Variants in PCDH15 observed in about 807,000 individuals in gnomAD.
PCDH15 encodes protocadherin-15.
In PCDH15, 129 loss-of-function variants were observed where a neutral mutation model predicts 178.5. The ratio of observed to expected loss-of-function variants is 0.72; its 90% CI spans 0.63 to 0.84. PCDH15 has a LOEUF of 0.84. PCDH15 is among the 40% of genes least tolerant of loss of function. The pLI, the probability that PCDH15 is intolerant of heterozygous loss-of-function variation, is 0.00. For missense variants in PCDH15, 2,230 were observed against 2,099.9 expected, an observed-to-expected ratio of 1.06 and a Z score of -1.21; for synonymous variants, 800 against 732.0, an observed-to-expected ratio of 1.09 and a Z score of -1.50.
chr10:54,048,023 C>A (rs953165346), intron 18 of PCDH15, among the ~76,000 whole-genome samples: 1 of 152,094 alleles, frequency 6.6e-6, no homozygotes, highest in African/African-American at 2.4e-5. Context: ...ACATTTCCAC[C>A]AACAGTGTAT....
intron 2 of PCDH15, among the ~76,000 whole-genome samples, chr10:55,367,264 A>G (rs1588958954): frequency 6.6e-6 from 1 of 152,272 alleles, no homozygotes; most frequent in East Asian, 1.9e-4. Context: ...GCATTAAAGA[A>G]TTGATGATAA....
In PCDH15 at chr10:55,374,171, C is replaced by A. The variant is rs529689613; in HGVS notation, c.-155-207520G>T. Reference sequence around the variant, plus strand: ...ATTCTTCCTTACTAAGAGATACAGTCTGTGCTGGACTTGCTTTGTGTCATA... The same window carrying A: ...ATTCTTCCTTACTAAGAGATACAGTATGTGCTGGACTTGCTTTGTGTCATA... On this transcript the variant is annotated intron_variant, in intron 2 of 5. Coordinates refer to the PCDH15 transcript ENST00000613346. 2.0e-5 allele frequency among the ~76,000 whole-genome samples: 3 copies of A among 151,906 alleles called. No individual in the cohort carries two copies. The South Asian group carries it at 6.3e-4, about 32-fold the overall frequency.
intron 3 of PCDH15, among the ~76,000 whole-genome samples, chr10:54,385,451 G>A (rs1156980682): frequency 1.3e-5 from 2 of 152,158 alleles, no homozygotes; most frequent in Admixed American, 6.5e-5. Flanking sequence ...ATAACCATAC[G>A]TGCTCAAGCA....
intron 2 of PCDH15, among the ~76,000 whole-genome samples, chr10:55,514,997 T>G (rs1403885913): frequency 6.7e-6 from 1 of 148,604 alleles, no homozygotes; most frequent in Non-Finnish European, 1.5e-5. Flanking sequence ...ATTTTTTTTT[T>G]TTTTTTTTTT....
At chr10:54,656,440 T>C (rs1302392098) in intron 2 of PCDH15, among the ~76,000 whole-genome samples, 1 of 152,162 alleles carries the variant, frequency 6.6e-6, no homozygotes, top group Non-Finnish European at 1.5e-5. Flanking sequence ...TGGGCAATGA[T>C]GTCCGTGGCA....
intron 2 of PCDH15, among the ~76,000 whole-genome samples, chr10:54,964,153 T>A (rs1838723655): frequency 1.3e-5 from 2 of 152,164 alleles, no homozygotes; most frequent in Admixed American, 1.3e-4. Context: ...GCCCTGACGG[T>A]TGGTTTCCTA....
chr10:54,122,828 A>T (rs575319033), intron 15 of PCDH15, among the ~76,000 whole-genome samples: 2 of 151,888 alleles, frequency 1.3e-5, no homozygotes, highest in Non-Finnish European at 2.9e-5. Context: ...CATAAATCTA[A>T]CCAAGGAGGT....
At chr10:55,000,737 G>A (rs1367852137) in intron 2 of PCDH15, among the ~76,000 whole-genome samples, 1 of 152,164 alleles carries the variant, frequency 6.6e-6, no homozygotes, top group African/African-American at 2.4e-5. Flanking sequence ...AAATGTCCAT[G>A]AAATCTTCAC....
chr10:54,715,369 T>C (rs1265959336), intron 1 of PCDH15, among the ~76,000 whole-genome samples: 1 of 151,014 alleles, frequency 6.6e-6, no homozygotes, highest in East Asian at 2.0e-4. Flanking sequence ...GCCCATGCAC[T>C]TGTTGCAGAA....
chr10:54,679,678 G>A (rs1244428357), intron 1 of PCDH15, among the ~76,000 whole-genome samples: 1 of 152,118 alleles, frequency 6.6e-6, no homozygotes, highest in Non-Finnish European at 1.5e-5. Flanking sequence ...TCTGGAAATA[G>A]TTATTTGTTT....
At chr10:54,710,831 C>T (rs2095421505) in intron 1 of PCDH15, among the ~76,000 whole-genome samples, 3 of 151,992 alleles carry the variant, frequency 2.0e-5, no homozygotes, top group Admixed American at 1.3e-4. Context: ...GGGTCTACCA[C>T]CTAATTATTT....
chr10:54,592,327 C>T (rs1251846306), intron 2 of PCDH15, among the ~76,000 whole-genome samples: 1 of 151,802 alleles, frequency 6.6e-6, no homozygotes, highest in Admixed American at 6.6e-5. Flanking sequence ...CTTCCTTCCT[C>T]CTTTCCTTTC....
chr10:55,371,625 C>G (rs905098686), intron 2 of PCDH15, among the ~76,000 whole-genome samples: 1 of 152,044 alleles, frequency 6.6e-6, no homozygotes, highest in Non-Finnish European at 1.5e-5. Context: ...CTCTCTCTTT[C>G]TCTCCCATGG....
At chr10:54,034,558 A>C (rs1192751884) in intron 18 of PCDH15, among the ~76,000 whole-genome samples, 1 of 151,950 alleles carries the variant, frequency 6.6e-6, no homozygotes. Flanking sequence ...CAGTAATTTA[A>C]ATTAGGAAAA....
intron 3 of PCDH15, among the ~76,000 whole-genome samples, chr10:54,392,898 CAAAAAA>C (rs35154394): frequency 1.4e-5 from 1 of 72,266 alleles, no homozygotes; most frequent in African/African-American, 3.9e-5. Flanking sequence ...GACTCAGGCT[CAAAAAA>C]AAAAAAAAAA....
In PCDH15 at chr10:54,321,313, G is replaced by T. The variant is rs184496593; in HGVS notation, c.706-3872C>A. On this transcript the variant is annotated intron_variant, in intron 7 of 37. Transcript: ENST00000644397. ...TGAGTAGCTAGGACTATAGGTATGT[G>T]CCTGGCTTTAACCCACCATTTAAAA... Among the ~76,000 whole-genome samples the T allele has an allele frequency of 3.1e-3, 459 of 150,182 alleles. 1 individual carries two copies. Among genetic ancestry groups the T allele is most frequent in the African/African-American group, 0.011 (443 of 41,290 alleles).
chr10:54,781,889 T>C (rs1377106979), intron 1 of PCDH15, among the ~76,000 whole-genome samples: 1 of 152,180 alleles, frequency 6.6e-6, no homozygotes, highest in Non-Finnish European at 1.5e-5. Context: ...GCTGGTACTA[T>C]GCGTTTACAT....
At chr10:54,811,137 A>G (rs545639847) in intron 3 of PCDH15, among the ~76,000 whole-genome samples, 1 of 151,614 alleles carries the variant, frequency 6.6e-6, no homozygotes, top group Non-Finnish European at 1.5e-5. Flanking sequence ...TATTATGTGT[A>G]TATATATATA....
chr10:54,842,016 A>G (rs774895684), intron 3 of PCDH15, among the ~76,000 whole-genome samples: 16 of 151,896 alleles, frequency 1.1e-4, no homozygotes, highest in Non-Finnish European at 2.1e-4. Flanking sequence ...GAAGAGGGTC[A>G]AATTAAGAGA....
Sources: gnomAD v4.1 joint callset for allele counts (sites outside exome capture counted in the v4.1 genomes callset) on GRCh38, gnomAD v4.1.1 for gene constraint, MANE v1.5 for transcripts, NCBI Gene and HGNC (gene_info 2026-07-23, HGNC 2026-07-21) for gene names.